Variants in BCAS3 observed in about 807,000 individuals in gnomAD.
The protein encoded by BCAS3 is BCAS4/BCAS3 fusion.
A neutral mutation model predicts 116.1 loss-of-function variants in BCAS3; 53 were observed. The ratio of observed to expected loss-of-function variants is 0.46; its 90% CI spans 0.37 to 0.57. The LOEUF (loss-of-function observed/expected upper bound fraction) is 0.57. Ranked by LOEUF, BCAS3 falls within the 20% of genes least tolerant of loss-of-function variation. BCAS3 has a pLI of 0.00. For missense variants in BCAS3, 917 were observed against 1,165.4 expected (o/e 0.79, Z 3.10); for synonymous variants, 391 against 408.2 (o/e 0.96, Z 0.51).
intron 22 of BCAS3, among the ~76,000 whole-genome samples, chr17:61,125,890 A>G (rs1009954098): frequency 3.9e-5 from 6 of 152,172 alleles, no homozygotes; most frequent in African/African-American, 7.2e-5. Context: ...TAGGCTTTTC[A>G]TGATACCTTT....
chr17:61,375,866 C>T (rs1000169707), intron 23 of BCAS3, among the ~76,000 whole-genome samples: 4 of 152,188 alleles, frequency 2.6e-5, no homozygotes, highest in Admixed American at 1.3e-4. Flanking sequence ...AGCCACCACA[C>T]CGGGCCAATT....
intron 7 of BCAS3, among the ~76,000 whole-genome samples, chr17:60,864,503 G>A (rs2054425364): frequency 6.6e-6 from 1 of 152,222 alleles, no homozygotes; most frequent in Non-Finnish European, 1.5e-5. Context: ...ACTACAATGG[G>A]TAGTATTAGG....
At chr17:60,831,239 C>T (rs769859249) in intron 7 of BCAS3, among the ~76,000 whole-genome samples, 40 of 152,106 alleles carry the variant, frequency 2.6e-4, no homozygotes, top group Non-Finnish European at 5.0e-4. Flanking sequence ...TGTAGTGGCA[C>T]GGTCTCGGCT....
intron 22 of BCAS3, among the ~76,000 whole-genome samples, chr17:61,085,546 A>G (rs1480321111): frequency 6.6e-6 from 1 of 152,232 alleles, no homozygotes; most frequent in Non-Finnish European, 1.5e-5. Context: ...TGGGTTTTAT[A>G]CATATTCTTA....
Position 60,902,620 on chromosome 17 carries a change from T to C in BCAS3, c.739T>C (p.Leu247=), listed in dbSNP as rs1216432831. 1 of 1,605,454 alleles carries C rather than the reference T, an allele frequency of 6.2e-7. No individual in the cohort carries two copies. The highest frequency in any genetic ancestry group is 8.5e-7 in the Non-Finnish European group (1 of 1,172,292). The change falls in exon 11 of 24, where the codon TTG becomes CTG. Residue 247 remains leucine, a splice_region_variant and synonymous_variant. Coordinates refer to ENST00000407086, the MANE Select transcript of BCAS3 (RefSeq NM_017679.5). ...GCTTCTCTCTCTCTCTTTTTCTCAG[T>C]TGATTCGATGTCATCAGTCCCGTGG... ...SRWLAYAENK[L]IRCHQSRGGA...
intron 19 of BCAS3, among the ~76,000 whole-genome samples, chr17:61,061,161 T>C (rs904720300): frequency 6.6e-6 from 1 of 152,170 alleles, no homozygotes; most frequent in Non-Finnish European, 1.5e-5. Context: ...GGTGAAAATG[T>C]TTGGTGCCTT....
rs1042629654 is a variant in BCAS3, at chr17:60,881,661, A to G, written c.661+6923A>G. Among the ~76,000 whole-genome samples, 7 of 141,156 alleles carry G rather than the reference A, an allele frequency of 5.0e-5. No individual in the cohort carries two copies. The South Asian group carries it at 6.7e-4, about 14-fold the overall frequency. The allele number at this position is 141,156 out of a possible 152,430, so 92.6% of individuals were successfully genotyped here. A position where few individuals can be genotyped will look rare whatever the true frequency, so the allele number is the denominator to read the frequency against. On this transcript the variant is annotated intron_variant, in intron 9 of 23. Transcript: ENST00000407086. ...TGTGTCCATGTGATCTCATTGTTCA[A>G]TTCCCACCTATGAGTGAGAATATGC...
chr17:61,026,027 TTACAG>T lies in BCAS3; in HGVS notation c.1638-8635_1638-8631del, dbSNP rs1164957881. 2.8e-4 allele frequency among the ~76,000 whole-genome samples: 43 copies of T among 152,244 alleles called. No homozygotes were observed. The highest frequency in any genetic ancestry group is 1.0e-3 in the African/African-American group (43 of 41,578). On this transcript the variant is annotated intron_variant, in intron 16 of 23. Transcript: ENST00000407086. This position sits in a 1 kb window ranked among gnomAD's most constrained non-coding sequence, Gnocchi z 5.0. ...TGTTATGATTTCCAAATGTCAGATGTTACAGTACCATTTGGTTTGGATATCATTAA... is the reference window on the plus strand; with the variant it reads ...TGTTATGATTTCCAAATGTCAGATGTTACCATTTGGTTTGGATATCATTAA...
intron 2 of BCAS3, among the ~76,000 whole-genome samples, chr17:60,682,822 TA>T (rs2033384780): frequency 2.0e-5 from 3 of 152,332 alleles, no homozygotes; most frequent in Middle Eastern, 3.4e-3. Flanking sequence ...ACGCCTGGCC[TA>T]AAATAGTATT....
chr17:61,242,125 A>C (rs1181844831), intron 22 of BCAS3, among the ~76,000 whole-genome samples: 2 of 152,048 alleles, frequency 1.3e-5, no homozygotes, highest in East Asian at 3.9e-4. Context: ...AAAAATACAA[A>C]ATTAACTGGG....
intron 9 of BCAS3, among the ~76,000 whole-genome samples, chr17:60,884,671 A>G (rs2056476913): frequency 7.1e-6 from 1 of 140,570 alleles, no homozygotes; most frequent in East Asian, 2.1e-4. Flanking sequence ...TTCAAAGAAC[A>G]TCTTTATTTC....
intron 22 of BCAS3, among the ~76,000 whole-genome samples, chr17:61,266,558 A>G (rs944390310): frequency 2.0e-5 from 3 of 152,190 alleles, no homozygotes; most frequent in African/African-American, 7.2e-5. Context: ...CTAAGAGTGG[A>G]GAGATGAAAT....
rs1304332858 is a variant in BCAS3, at chr17:61,244,273, G to A, written c.2426-124054G>A. Among the ~76,000 whole-genome samples, 1 of 152,076 alleles carries A rather than the reference G, an allele frequency of 6.6e-6. No homozygotes were observed. Among genetic ancestry groups the A allele is most frequent in the Non-Finnish European group, 1.5e-5 (1 of 68,020 alleles). On this transcript the variant is annotated intron_variant, in intron 22 of 23. Transcript: ENST00000407086. This position sits in a 1 kb window ranked among gnomAD's most constrained non-coding sequence, Gnocchi z 4.9. Reference sequence around the variant, plus strand: ...ATGGTATTTATTAAGATTCTTCTATGCATTTGTATACACACATATATACGC... The same window carrying A: ...ATGGTATTTATTAAGATTCTTCTATACATTTGTATACACACATATATACGC...
chr17:61,340,915 A>T (rs1431752672), intron 22 of BCAS3, among the ~76,000 whole-genome samples: 1 of 152,198 alleles, frequency 6.6e-6, no homozygotes, highest in Non-Finnish European at 1.5e-5. Context: ...TGAGATTAGG[A>T]TTGTGATGAG....
At chr17:61,011,018 C>T (rs938668474) in intron 15 of BCAS3, among the ~76,000 whole-genome samples, 6 of 151,908 alleles carry the variant, frequency 3.9e-5, no homozygotes, top group Non-Finnish European at 8.8e-5. Context: ...ACTTACAGGT[C>T]TCCTCTTAGC....
rs185642095 is a variant in BCAS3 at position 61,300,750 on chromosome 17, T to C, written c.2426-67577T>C. On this transcript the variant is annotated intron_variant, in intron 22 of 23. Coordinates refer to ENST00000407086, the MANE Select transcript of BCAS3 (RefSeq NM_017679.5). This position sits in a 1 kb window ranked among gnomAD's most constrained non-coding sequence, Gnocchi z 5.1. ...CACAGAAAGTTCAGAGAAGTTTTTATTTCATATCTGATTAGCTTCAATTGA... is the reference window on the plus strand; with the variant it reads ...CACAGAAAGTTCAGAGAAGTTTTTACTTCATATCTGATTAGCTTCAATTGA... 6.6e-5 allele frequency among the ~76,000 whole-genome samples: 10 copies of C among 152,336 alleles called. No homozygotes were observed. The East Asian group carries it at 1.9e-3, about 29-fold the overall frequency.
intron 4 of BCAS3, among the ~76,000 whole-genome samples, chr17:60,704,481 A>T (rs1178484850): frequency 6.6e-6 from 1 of 152,124 alleles, no homozygotes; most frequent in Admixed American, 6.6e-5. Flanking sequence ...CTTTTTCTGG[A>T]TTGACTCCAT....
intron 22 of BCAS3, among the ~76,000 whole-genome samples, chr17:61,221,723 G>T (rs555745789): frequency 3.4e-4 from 51 of 152,184 alleles, no homozygotes; most frequent in Non-Finnish European, 6.5e-4. Context: ...GGGGTGCTCT[G>T]CAAGGCACCA....
At chr17:61,015,703 A>T in intron 15 of BCAS3, 48 bp from the exon 16 acceptor site, 1 of 1,591,496 alleles carries the variant, frequency 6.3e-7, no homozygotes, top group African/African-American at 1.3e-5. Flanking sequence ...AGAACGGGAG[A>T]TAGAGAACCT....
Sources: gnomAD v4.1 joint callset for allele counts (sites outside exome capture counted in the v4.1 genomes callset) on GRCh38, gnomAD v4.1.1 for gene constraint, Gnocchi (gnomAD v3.1) non-coding constraint, MANE v1.5 for transcripts, NCBI Gene and HGNC (gene_info 2026-07-23, HGNC 2026-07-21) for gene names.